Variants in KCNIP4 observed in about 807,000 individuals in gnomAD.
KCNIP4 encodes the protein potassium voltage-gated channel interacting protein 4.
KCNIP4 carries 12 observed loss-of-function variants against 34.0 expected under a neutral mutation model. That is an observed-to-expected ratio of 0.35 (90% confidence interval 0.23 to 0.57). KCNIP4 has a LOEUF of 0.57. KCNIP4 is among the 20% of genes least tolerant of loss of function. The pLI is 0.83. For synonymous variants in KCNIP4, 124 were observed against 102.2 expected, an observed-to-expected ratio of 1.21 and a Z score of -1.29; for missense variants, 238 against 311.7, an observed-to-expected ratio of 0.76 and a Z score of 1.78.
At chr4:21,745,092 A>G (rs778912076) in intron 1 of KCNIP4, among the ~76,000 whole-genome samples, 14 of 152,218 alleles carry the variant, frequency 9.2e-5, no homozygotes, top group Non-Finnish European at 1.6e-4. Context: ...TTAAATAAGC[A>G]TAGAGCTATG....
chr4:21,563,867 G>T (rs1376075594), intron 1 of KCNIP4, among the ~76,000 whole-genome samples: 1 of 151,822 alleles, frequency 6.6e-6, no homozygotes, highest in Non-Finnish European at 1.5e-5. Flanking sequence ...GAAGGTTTAG[G>T]GTTATCTATT....
At chr4:21,585,016 C>T (rs2109080500) in intron 1 of KCNIP4, among the ~76,000 whole-genome samples, 1 of 152,128 alleles carries the variant, frequency 6.6e-6, no homozygotes, top group African/African-American at 2.4e-5. Context: ...AGCAGTTGAA[C>T]AAAAAGCTTA....
At chr4:21,622,963 AT>A (rs5856651) in intron 1 of KCNIP4, among the ~76,000 whole-genome samples, 41,334 of 152,006 alleles carry the variant, frequency 0.27, 5,919 homozygotes, top group Non-Finnish European at 0.32. Context: ...AGTCATTTAT[AT>A]TTTTTGTATA....
At chr4:21,210,194 T>C (rs777471222) in intron 1 of KCNIP4, among the ~76,000 whole-genome samples, 2 of 152,236 alleles carry the variant, frequency 1.3e-5, no homozygotes, top group East Asian at 3.9e-4. Context: ...TGGTAAAGAC[T>C]GTTGCCTCAT....
chr4:20,923,109 T>C (rs1018445060), intron 1 of KCNIP4, among the ~76,000 whole-genome samples: 2 of 152,108 alleles, frequency 1.3e-5, no homozygotes, highest in African/African-American at 2.4e-5. Flanking sequence ...AAATAGTTCT[T>C]TAAGGTCATC....
intron 1 of KCNIP4, among the ~76,000 whole-genome samples, chr4:21,691,590 A>T (rs1711636508): frequency 6.6e-6 from 1 of 152,026 alleles, no homozygotes; most frequent in South Asian, 2.1e-4. Flanking sequence ...TGTGAAACTT[A>T]AACGTTTCTT....
At chr4:20,819,821 A>G (rs1716884086) in intron 3 of KCNIP4, among the ~76,000 whole-genome samples, 1 of 152,178 alleles carries the variant, frequency 6.6e-6, no homozygotes, top group Non-Finnish European at 1.5e-5. Flanking sequence ...TGGAGGATGC[A>G]CTTCCAAAGT....
intron 1 of KCNIP4, among the ~76,000 whole-genome samples, chr4:20,914,083 G>A (rs1228433399): frequency 1.3e-5 from 2 of 152,108 alleles, no homozygotes; most frequent in Non-Finnish European, 2.9e-5. Flanking sequence ...CTTGAACCCG[G>A]GAGGAGGAGG....
intron 1 of KCNIP4, among the ~76,000 whole-genome samples, chr4:21,135,247 G>A (rs1243553920): frequency 6.6e-6 from 1 of 152,154 alleles, no homozygotes; most frequent in Non-Finnish European, 1.5e-5. Flanking sequence ...GGTGTAGAAT[G>A]GGTCAAAGAG....
intron 1 of KCNIP4, among the ~76,000 whole-genome samples, chr4:21,657,891 G>A (rs1748102763): frequency 1.3e-5 from 2 of 150,860 alleles, no homozygotes; most frequent in South Asian, 2.1e-4. Context: ...CCAGGCTGCA[G>A]TGCAGTGGAA....
At chr4:21,286,356 G>C (rs1477231719) in intron 1 of KCNIP4, among the ~76,000 whole-genome samples, 1 of 152,098 alleles carries the variant, frequency 6.6e-6, no homozygotes, top group Non-Finnish European at 1.5e-5. Flanking sequence ...GAATTAACAT[G>C]GCCAAACATG....
chr4:21,242,163 C>CAAAAAAAA lies in KCNIP4; in HGVS notation c.62-359462_62-359455dup, dbSNP rs11436478. Among the ~76,000 whole-genome samples, 231 of 55,718 alleles carry CAAAAAAAA rather than the reference C, an allele frequency of 4.1e-3. 9 individuals carry two copies. The highest frequency in any genetic ancestry group is 0.011 in the African/African-American group (191 of 17,800). 36.6% of individuals were successfully genotyped at this position (55,718 alleles called of 152,430 possible). On this transcript the variant is annotated intron_variant, in intron 1 of 8. Coordinates refer to ENST00000382152, the MANE Select transcript of KCNIP4 (RefSeq NM_025221.6). ...TGGGCGACAGAGCGAAATTCTGTCT[C>CAAAAAAAA]AAAAAAAAAAAAAAAAAAAAAAAGA...
At chr4:21,459,768 A>G (rs964339955) in intron 1 of KCNIP4, among the ~76,000 whole-genome samples, 14 of 151,902 alleles carry the variant, frequency 9.2e-5, no homozygotes, top group Non-Finnish European at 2.1e-4. Context: ...TTCTTTTCTC[A>G]TGCTTCACAT....
At chr4:21,305,155 T>A (rs529626156) in intron 1 of KCNIP4, among the ~76,000 whole-genome samples, 1 of 152,094 alleles carries the variant, frequency 6.6e-6, no homozygotes, top group African/African-American at 2.4e-5. Flanking sequence ...ATTTCATAGA[T>A]GAACAAGCTG....
At chr4:21,116,849 C>T (rs1749716586) in intron 1 of KCNIP4, among the ~76,000 whole-genome samples, 1 of 152,092 alleles carries the variant, frequency 6.6e-6, no homozygotes, top group Non-Finnish European at 1.5e-5. Flanking sequence ...ATTATTTCAC[C>T]TTCATAACCA....
intron 1 of KCNIP4, among the ~76,000 whole-genome samples, chr4:21,346,080 T>TATATATTATATAAAACAA: frequency 7.9e-6 from 1 of 127,244 alleles, no homozygotes; most frequent in African/African-American, 2.9e-5. Flanking sequence ...ATATATATAT[T>TATATATTATATAAAACAA]TAAGATATTT....
chr4:21,222,232 A>C (rs977315669), intron 1 of KCNIP4, among the ~76,000 whole-genome samples: 1 of 152,184 alleles, frequency 6.6e-6, no homozygotes, highest in Non-Finnish European at 1.5e-5. Context: ...GTTGTATTTT[A>C]GAGTGTTGAT....
At chr4:21,484,066 C>T (rs1320079797) in intron 1 of KCNIP4, among the ~76,000 whole-genome samples, 1 of 151,756 alleles carries the variant, frequency 6.6e-6, no homozygotes, top group East Asian at 1.9e-4. Flanking sequence ...TGATAATGGA[C>T]TAATAAATTT....
rs112991875 is a variant in KCNIP4, at chr4:21,798,404, C to CATATATATATATATATATATATAT, written c.61+150166_61+150167insATATATATATATATATATATATAT. ...CCGTTTCCACACACACAAAAAAATA[C>CATATATATATATATATATATATAT]ATATATATATATATATATATATTTG... On this transcript the variant is annotated intron_variant, in intron 1 of 8. Transcript: ENST00000382152. 6.3e-4 allele frequency among the ~76,000 whole-genome samples: 82 copies of CATATATATATATATATATATATAT among 129,656 alleles called. 1 individual carries two copies. Among genetic ancestry groups the CATATATATATATATATATATATAT allele is most frequent in the Middle Eastern group, 8.5e-3 (2 of 234 alleles). The allele number at this position is 129,656 out of a possible 152,430, so 85.1% of individuals were successfully genotyped here.
Sources: allele counts gnomAD v4.1 joint callset (sites outside exome capture counted in the v4.1 genomes callset), GRCh38; gene constraint gnomAD v4.1.1; transcripts MANE v1.5; gene names NCBI Gene and HGNC (gene_info 2026-07-23, HGNC 2026-07-21).